Variants in MEIS1 observed in about 807,000 individuals in gnomAD.
MEIS1 encodes Meis homeobox 1.
Under a neutral mutation model 50.8 loss-of-function variants are expected in MEIS1, and 5 were observed. The observed-to-expected ratio is 0.10, with a 90% CI of 0.05 to 0.21. The LOEUF (loss-of-function observed/expected upper bound fraction) is 0.21, where lower values mean the gene tolerates loss of function less well. MEIS1 is among the 10% of genes least tolerant of loss of function. MEIS1 has a pLI of 1.00. For missense variants in MEIS1, 318 were observed against 517.3 expected (o/e 0.61, Z 3.74); for synonymous variants, 176 against 179.3 (o/e 0.98, Z 0.15).
intron 8 of MEIS1, 77 bp from the exon 9 acceptor site, chr2:66,547,866 T>C: frequency 7.1e-7 from 1 of 1,404,922 alleles, no homozygotes. Context: ...AATTATAGAC[T>C]TCATGAGACA....
chr2:66,458,271 T>G (rs989145738), intron 6 of MEIS1, among the ~76,000 whole-genome samples: 1 of 152,188 alleles, frequency 6.6e-6, no homozygotes, highest in African/African-American at 2.4e-5. Context: ...TTTATAAATA[T>G]TAGGCATCGA....
chr2:66,455,877 C>T (rs1436836451), intron 6 of MEIS1, among the ~76,000 whole-genome samples: 5 of 152,100 alleles, frequency 3.3e-5, no homozygotes, highest in Non-Finnish European at 7.3e-5. Context: ...TGCCTTATGC[C>T]TTACGTATGT....
At chr2:66,530,709 C>T (rs1301154578) in intron 8 of MEIS1, among the ~76,000 whole-genome samples, 1 of 100,262 alleles carries the variant, frequency 1.0e-5, no homozygotes, top group East Asian at 4.3e-4. Flanking sequence ...GAGCAAGACT[C>T]CAACTCAAAA....
At chr2:66,507,866 A>G (rs1023016572) in intron 7 of MEIS1, among the ~76,000 whole-genome samples, 3 of 152,198 alleles carry the variant, frequency 2.0e-5, no homozygotes, top group Admixed American at 1.3e-4. Flanking sequence ...AGTGTTTGAA[A>G]TCTGAGCTCT....
intron 12 of MEIS1, chr2:66,570,426 A>G (rs1011092654): frequency 1.3e-5 from 2 of 152,196 alleles, no homozygotes; most frequent in Non-Finnish European, 2.9e-5. Flanking sequence ...AATTTTCATT[A>G]GTTCAAAAAT....
At chr2:66,435,928 A>G in intron 1 of MEIS1, 60 bp downstream of exon 1, 1 of 1,469,544 alleles carries the variant, frequency 6.8e-7, no homozygotes, top group South Asian at 1.3e-5. Context: ...ACGTGGCCGA[A>G]AGACACTGCT....
chr2:66,466,681 T>C (rs1361702004), intron 7 of MEIS1, among the ~76,000 whole-genome samples: 1 of 152,200 alleles, frequency 6.6e-6, no homozygotes, highest in Non-Finnish European at 1.5e-5. Flanking sequence ...TAAATAGTTA[T>C]TTACACAGTT....
chr2:66,442,780 A>G, intron 5 of MEIS1, 122 bp from the exon 6 acceptor site: 1 of 912,306 alleles, frequency 1.1e-6, no homozygotes. Context: ...TCTGGAGGAC[A>G]ATTGCCCTGT....
intron 7 of MEIS1, among the ~76,000 whole-genome samples, chr2:66,502,606 T>C (rs1160136377): frequency 6.6e-6 from 1 of 152,152 alleles, no homozygotes; most frequent in African/African-American, 2.4e-5. Flanking sequence ...TTTTGATTGT[T>C]GGGAGACGAA....
intron 1 of MEIS1, chr2:66,436,888 T>TTC: frequency 4.1e-6 from 4 of 984,744 alleles, no homozygotes; most frequent in Non-Finnish European, 4.8e-6. Context: ...TTTTTTTTTT[T>TTC]CTGGAAGAGG....
At chr2:66,508,142 G>A (rs1472770987) in intron 7 of MEIS1, among the ~76,000 whole-genome samples, 1 of 152,192 alleles carries the variant, frequency 6.6e-6, no homozygotes, top group East Asian at 1.9e-4. Flanking sequence ...GTGTGGCCAA[G>A]ATTCTCCCCC....
At chr2:66,444,276 C>T (rs572718929) in intron 6 of MEIS1, among the ~76,000 whole-genome samples, 22 of 152,230 alleles carry the variant, frequency 1.4e-4, no homozygotes, top group African/African-American at 5.3e-4. Context: ...TTTGTTAAGC[C>T]AAAGGCCAGC....
At chr2:66,501,495 G>GTT (rs375216017) in intron 7 of MEIS1, among the ~76,000 whole-genome samples, 2 of 148,170 alleles carry the variant, frequency 1.3e-5, no homozygotes, top group African/African-American at 2.5e-5. Flanking sequence ...TAAAATCTGT[G>GTT]TTTTTTTTTT....
At chr2:66,457,091 A>AAAAGGC (rs768140973) in intron 6 of MEIS1, among the ~76,000 whole-genome samples, 50 of 152,240 alleles carry the variant, frequency 3.3e-4, no homozygotes, top group Non-Finnish European at 5.9e-4. Context: ...TAAGAAAAAA[A>AAAAGGC]AAAGGCAAAA....
chr2:66,479,951 A>C (rs1672979369), intron 7 of MEIS1, among the ~76,000 whole-genome samples: 1 of 152,142 alleles, frequency 6.6e-6, no homozygotes, highest in Admixed American at 6.5e-5. Context: ...TTGCTCTTAA[A>C]ATGTTGTTTT....
In MEIS1 at chr2:66,439,927, C is replaced by A. The variant is rs773683300; in HGVS notation, c.324C>A (p.Gly108=). 3 of 1,613,504 alleles carry A rather than the reference C, an allele frequency of 1.9e-6. No individual in the cohort carries two copies. Among genetic ancestry groups the A allele is most frequent in the South Asian group, 2.2e-5 (2 of 90,988 alleles). The part of the protein sequence containing the change: ...TCTPREPGVA[G]GDVCSSESFN... Reference sequence around the variant, plus strand: ...CCCCCCGCGAGCCGGGGGTGGCGGGCGGGGACGTCTGCTCGTCAGAGTCAT... The same window carrying A: ...CCCCCCGCGAGCCGGGGGTGGCGGGAGGGGACGTCTGCTCGTCAGAGTCAT... The change falls in exon 3 of 13, where the codon GGC becomes GGA. Residue 108 remains glycine (G), a synonymous_variant. Transcript: ENST00000272369.
intron 6 of MEIS1, among the ~76,000 whole-genome samples, chr2:66,463,254 A>G (rs1315532352): frequency 6.6e-6 from 1 of 151,498 alleles, no homozygotes; most frequent in African/African-American, 2.4e-5. Context: ...ATCACTTCCT[A>G]GTGAAGGACC....
intron 7 of MEIS1, among the ~76,000 whole-genome samples, chr2:66,476,341 C>T (rs1048346292): frequency 1.3e-5 from 2 of 152,108 alleles, no homozygotes; most frequent in Non-Finnish European, 2.9e-5. Flanking sequence ...ACATTTACTA[C>T]AAATAAAAGT....
At chr2:66,438,094 C>A in intron 2 of MEIS1, 131 bp downstream of exon 2, 1 of 876,854 alleles carries the variant, frequency 1.1e-6, no homozygotes, top group Non-Finnish European at 1.7e-6. Context: ...ATTCACATTT[C>A]ATGGATAATT....
Sources: gnomAD v4.1 joint callset for allele counts (sites outside exome capture counted in the v4.1 genomes callset) on GRCh38, gnomAD v4.1.1 for gene constraint, MANE v1.5 for transcripts, NCBI Gene and HGNC (gene_info 2026-07-23, HGNC 2026-07-21) for gene names.